SUGCT: variants seen among roughly 807,000 people sequenced by gnomAD.
The protein encoded by SUGCT is succinyl-CoA:glutarate CoA-transferase.
SUGCT carries 41 observed loss-of-function variants against 55.0 expected under a neutral mutation model. The ratio of observed to expected loss-of-function variants is 0.74; its 90% CI spans 0.58 to 0.97. SUGCT has a LOEUF of 0.97. SUGCT is among the 50% of genes least tolerant of loss of function. The probability of loss-of-function intolerance (pLI) is 0.00; values close to 1 mark genes in which losing one functional copy is unlikely to be tolerated. For synonymous variants in SUGCT, 187 were observed against 200.4 expected, an observed-to-expected ratio of 0.93 and a Z score of 0.56; for missense variants, 568 against 547.8, an observed-to-expected ratio of 1.04 and a Z score of -0.37.
chr7:40,821,622 A>T (rs970819791), intron 13 of SUGCT, among the ~76,000 whole-genome samples: 1 of 152,112 alleles, frequency 6.6e-6, no homozygotes, highest in Non-Finnish European at 1.5e-5. Context: ...CCCCTGTATC[A>T]TTTTTTATTG....
intron 12 of SUGCT, among the ~76,000 whole-genome samples, chr7:40,695,468 G>A (rs971575542): frequency 7.2e-5 from 11 of 152,202 alleles, no homozygotes; most frequent in Admixed American, 7.2e-4. Flanking sequence ...AAAGTGTTGG[G>A]ATTACAGACA....
chr7:40,371,787 C>G (rs1282946659), intron 9 of SUGCT, among the ~76,000 whole-genome samples: 1 of 152,064 alleles, frequency 6.6e-6, no homozygotes, highest in East Asian at 1.9e-4. Flanking sequence ...GAAAAGATTA[C>G]AGAAAAACTT....
At chr7:40,443,202 T>G (rs981414498) in intron 9 of SUGCT, among the ~76,000 whole-genome samples, 5 of 152,248 alleles carry the variant, frequency 3.3e-5, no homozygotes, top group Non-Finnish European at 2.9e-5. Context: ...CGTGTCTTTA[T>G]AGCAGTATGA....
At chr7:40,599,764 G>A (rs1468896283) in intron 12 of SUGCT, among the ~76,000 whole-genome samples, 1 of 150,338 alleles carries the variant, frequency 6.7e-6, no homozygotes, top group Non-Finnish European at 1.5e-5. Context: ...CCTTCAAGCA[G>A]TCCTTTCTTA....
At chr7:41,017,614 C>CA in the SUGCT span, among the ~76,000 whole-genome samples, 1 of 151,836 alleles carries the variant, frequency 6.6e-6, no homozygotes, top group Non-Finnish European at 1.5e-5. Flanking sequence ...ACTGAAAATA[C>CA]AAAAAACTTA....
chr7:40,774,734 A>G (rs1789362290), intron 13 of SUGCT, among the ~76,000 whole-genome samples: 1 of 151,876 alleles, frequency 6.6e-6, no homozygotes, highest in Non-Finnish European at 1.5e-5. Flanking sequence ...TTTACCCCAA[A>G]TACTGTAACT....
At chr7:40,403,595 G>A (rs1197334469) in intron 9 of SUGCT, among the ~76,000 whole-genome samples, 2 of 152,152 alleles carry the variant, frequency 1.3e-5, no homozygotes, top group Non-Finnish European at 2.9e-5. Context: ...GGGGCCATTT[G>A]AAAATTCAGG....
intron 7 of SUGCT, among the ~76,000 whole-genome samples, chr7:40,258,054 G>A (rs1257864756): frequency 6.6e-6 from 1 of 152,104 alleles, no homozygotes; most frequent in Non-Finnish European, 1.5e-5. Context: ...TTGACATCTA[G>A]TCATGGTTCT....
At chr7:40,818,638 T>C (rs566856553) in intron 13 of SUGCT, among the ~76,000 whole-genome samples, 5 of 152,234 alleles carry the variant, frequency 3.3e-5, no homozygotes, top group African/African-American at 1.2e-4. Flanking sequence ...GGGATCTTAA[T>C]GGATTGAAGA....
At chr7:40,626,880 G>A (rs1799552630) in intron 12 of SUGCT, among the ~76,000 whole-genome samples, 1 of 152,098 alleles carries the variant, frequency 6.6e-6, no homozygotes, top group South Asian at 2.1e-4. Flanking sequence ...CTTTCCCCGT[G>A]CATGTCTAGT....
the SUGCT span, among the ~76,000 whole-genome samples, chr7:40,907,695 C>T: frequency 6.6e-6 from 1 of 152,112 alleles, no homozygotes; most frequent in Non-Finnish European, 1.5e-5. Flanking sequence ...TGTTTAACAT[C>T]ACAGCCTGTT....
chr7:40,910,839 T>G, the SUGCT span, among the ~76,000 whole-genome samples: 1 of 152,204 alleles, frequency 6.6e-6, no homozygotes, highest in Non-Finnish European at 1.5e-5. Context: ...GGCATGTATT[T>G]AATGATTTCC....
intron 9 of SUGCT, among the ~76,000 whole-genome samples, chr7:40,362,677 A>G (rs1798214598): frequency 6.6e-6 from 1 of 152,224 alleles, no homozygotes; most frequent in Non-Finnish European, 1.5e-5. Context: ...TTTGGAAACA[A>G]TATAATTTTA....
intron 12 of SUGCT, among the ~76,000 whole-genome samples, chr7:40,566,515 C>T (rs988646037): frequency 3.3e-5 from 5 of 152,144 alleles, no homozygotes; most frequent in Admixed American, 6.5e-5. Flanking sequence ...GATGTCTGAT[C>T]CCTTAAAAAC....
chr7:40,500,068 G>A (rs1792196234), intron 12 of SUGCT, among the ~76,000 whole-genome samples: 2 of 152,130 alleles, frequency 1.3e-5, no homozygotes, highest in East Asian at 3.9e-4. Flanking sequence ...GAATGAAAAG[G>A]GAATGTGCCA....
chr7:40,193,489 T>C (rs1340259697), intron 5 of SUGCT, among the ~76,000 whole-genome samples: 1 of 152,058 alleles, frequency 6.6e-6, no homozygotes, highest in East Asian at 1.9e-4. Flanking sequence ...TTCGCCATAT[T>C]GGCCAGGCTG....
chr7:40,912,649 A>T, the SUGCT span, among the ~76,000 whole-genome samples: 2 of 152,118 alleles, frequency 1.3e-5, no homozygotes, highest in African/African-American at 4.8e-5. Flanking sequence ...TTTTGTAGTC[A>T]AGATGTGTCC....
intron 9 of SUGCT, among the ~76,000 whole-genome samples, chr7:40,408,842 A>G (rs1216290738): frequency 1.3e-5 from 2 of 152,080 alleles, no homozygotes; most frequent in Non-Finnish European, 2.9e-5. Context: ...TTCACCTTTA[A>G]CCATTTATGT....
chr7:40,737,933 C>CA (rs1295200224), intron 12 of SUGCT, among the ~76,000 whole-genome samples: 18 of 146,362 alleles, frequency 1.2e-4, no homozygotes, highest in Admixed American at 2.0e-4. Context: ...TCAAAAAAAA[C>CA]AAAAAAAAAG....
Sources: allele counts gnomAD v4.1 joint callset (sites outside exome capture counted in the v4.1 genomes callset), GRCh38; gene constraint gnomAD v4.1.1; transcripts MANE v1.5; gene names NCBI Gene and HGNC (gene_info 2026-07-23, HGNC 2026-07-21).